The following OR4Q3 variants were observed in gnomAD, a reference collection of about 807,000 sequenced individuals.
OR4Q3 encodes the protein olfactory receptor 4Q3.
In OR4Q3, 17 loss-of-function variants were observed where a neutral mutation model predicts 18.8. That is an observed-to-expected ratio of 0.91 (90% CI 0.62 to 1.36). The LOEUF is 1.36. Among genes scored for constraint, OR4Q3 ranks in the 40% most tolerant of loss-of-function variants. The probability of loss-of-function intolerance (pLI) is 0.00; values close to 1 mark genes in which losing one functional copy is unlikely to be tolerated. For synonymous variants in OR4Q3, 158 were observed against 145.8 expected (o/e 1.08, Z -0.60); for missense variants, 378 against 373.4 (o/e 1.01, Z -0.10).
chr14:19,746,211 T>G, intron 1 of OR4Q3, among the ~76,000 whole-genome samples: 1 of 152,112 alleles, frequency 6.6e-6, no homozygotes, highest in Non-Finnish European at 1.5e-5. Flanking sequence ...TTTTGTCTTA[T>G]TTCATATTTT....
exon 2 of OR4Q3, chr14:19,748,372 A>C: frequency 6.3e-7 from 1 of 1,590,860 alleles, no homozygotes; most frequent in Middle Eastern, 1.7e-4. Context: ...CTTGTTAAGG[A>C]ATGAGCAGAA....
At chr14:19,744,221 A>G (rs570670622) in intron 1 of OR4Q3, among the ~76,000 whole-genome samples, 2 of 152,314 alleles carry the variant, frequency 1.3e-5, no homozygotes, top group South Asian at 4.1e-4. Context: ...TTCAGGAGAA[A>G]TTTAAAAATG....
chr14:19,752,131 C>T, downstream of OR4Q3, among the ~76,000 whole-genome samples: 1 of 152,170 alleles, frequency 6.6e-6, no homozygotes, highest in Non-Finnish European at 1.5e-5. Context: ...TTAGCTAAGT[C>T]CCCCAAAGAA....
chr14:19,744,544 T>C (rs1311598041), intron 1 of OR4Q3, among the ~76,000 whole-genome samples: 5 of 152,148 alleles, frequency 3.3e-5, no homozygotes, highest in East Asian at 3.9e-4. Context: ...ATATTTAAGG[T>C]GTTTTGGTTT....
chr14:19,748,052 CT>C lies in OR4Q3; in HGVS notation c.651del (p.Val218SerfsTer14). 3.7e-6 allele frequency: 6 copies of C among 1,614,056 alleles called. No homozygotes were observed. Among genetic ancestry groups the C allele is most frequent in the Non-Finnish European group, 5.1e-6 (6 of 1,179,984 alleles). On this transcript the variant is annotated frameshift_variant, in exon 2 of 2. Coordinates refer to ENST00000642117, the Ensembl canonical transcript of OR4Q3. LOFTEE classifies it high-confidence loss of function. ...GATAGCCAACAGTGGTCTGCTGTCT[CT>C]TGTCTGCTTCTTGGTCTTACTATTC...
At chr14:19,751,093 C>A, downstream of OR4Q3, among the ~76,000 whole-genome samples, 1 of 152,232 alleles carries the variant, frequency 6.6e-6, no homozygotes, top group Admixed American at 6.5e-5. Flanking sequence ...TCTTTCATAG[C>A]AAAATGTATA....
chr14:19,746,775 T>C, intron 1 of OR4Q3, among the ~76,000 whole-genome samples: 2 of 152,262 alleles, frequency 1.3e-5, no homozygotes, highest in Admixed American at 6.5e-5. Flanking sequence ...CTAACCTTTG[T>C]ACAACATAGC....
intron 1 of OR4Q3, 42 bp from the exon 2 acceptor site, chr14:19,747,364 T>A: frequency 9.0e-7 from 1 of 1,106,642 alleles, no homozygotes; most frequent in Non-Finnish European, 1.3e-6. Context: ...CACATATATA[T>A]CTACCTTAAA....
chr14:19,749,730 TTTC>T, downstream of OR4Q3, among the ~76,000 whole-genome samples: 1 of 151,060 alleles, frequency 6.6e-6, no homozygotes, highest in Non-Finnish European at 1.5e-5. Context: ...TTTCTTTCTT[TTTC>T]TTTCTTTCTC....
chr14:19,751,677 T>G, downstream of OR4Q3, among the ~76,000 whole-genome samples: 2 of 152,212 alleles, frequency 1.3e-5, no homozygotes, highest in Non-Finnish European at 2.9e-5. Context: ...TTTGTGTGCA[T>G]AGAGTTGTTC....
exon 2 of OR4Q3, chr14:19,748,114 C>G: frequency 1.2e-6 from 2 of 1,614,086 alleles, no homozygotes; most frequent in African/African-American, 1.3e-5. Flanking sequence ...TGAGAACACA[C>G]TTCTGCCAGG....
exon 2 of OR4Q3, chr14:19,747,787 C>T: frequency 6.2e-7 from 1 of 1,614,026 alleles, no homozygotes; most frequent in Non-Finnish European, 8.5e-7. Context: ...CAGTCATGGC[C>T]TATGACAGGT....
chr14:19,748,388 G>C, exon 2 of OR4Q3: 1 of 1,550,654 alleles, frequency 6.4e-7, no homozygotes, highest in Non-Finnish European at 8.8e-7. Flanking sequence ...CAGAAGAGGT[G>C]ATTTGAAAAA....
chr14:19,749,989 T>A, downstream of OR4Q3, among the ~76,000 whole-genome samples: 3 of 82,898 alleles, frequency 3.6e-5, no homozygotes, highest in Non-Finnish European at 8.9e-5. Flanking sequence ...TTCTTTCTTC[T>A]TCTTTTTTTT....
chr14:19,748,555 C>T lies in OR4Q3; in HGVS notation c.*186C>T. On this transcript the variant is annotated 3_prime_UTR_variant, in exon 2 of 2. Transcript: ENST00000642117. ...GTGGCACTCTAGAAAGCCACCTATG[C>T]CTTTTGACCATAATCAAGAGAACTC... The T allele has an allele frequency of 5.4e-4, 303 of 558,300 alleles. No homozygotes were observed. The East Asian group carries it at 8.4e-3, about 15-fold the overall frequency. 34.6% of individuals were successfully genotyped at this position (558,300 alleles called of 1,614,324 possible).
chr14:19,751,084 C>G, downstream of OR4Q3, among the ~76,000 whole-genome samples: 1 of 152,202 alleles, frequency 6.6e-6, no homozygotes, highest in Non-Finnish European at 1.5e-5. Context: ...CTGATGTTCT[C>G]TTTCATAGCA....
exon 2 of OR4Q3, chr14:19,747,901 C>A: frequency 2.2e-5 from 36 of 1,614,010 alleles, no homozygotes; most frequent in Non-Finnish European, 3.0e-5. Flanking sequence ...TCCACTCTAT[C>A]ATGCAGGTCA....
At position 19,744,722 on chromosome 14, in the gene OR4Q3, C is replaced by A. The variant is rs117312748; in HGVS notation, c.2+1051C>A. Among the ~76,000 whole-genome samples the A allele has an allele frequency of 4.3e-4, 66 of 152,292 alleles. 1 individual carries two copies. The East Asian group carries it at 0.012, about 29-fold the overall frequency. ...CATGAAATGCTTGATAAGGTCTCAT[C>A]TTACTGCTAATGGGATAATGAAGCT... On this transcript the variant is annotated intron_variant, in intron 1 of 1. Coordinates refer to ENST00000642117, the Ensembl canonical transcript of OR4Q3.
chr14:19,746,821 GA>G, intron 1 of OR4Q3, among the ~76,000 whole-genome samples: 9 of 152,182 alleles, frequency 5.9e-5, no homozygotes, highest in Admixed American at 2.0e-4. Context: ...CCTTCGATTT[GA>G]TAAATTATTG....
Sources: allele counts gnomAD v4.1 joint callset (sites outside exome capture counted in the v4.1 genomes callset), GRCh38; gene constraint gnomAD v4.1.1; transcripts MANE v1.5; gene names NCBI Gene and HGNC (gene_info 2026-07-23, HGNC 2026-07-21).